DLGAP1: variants seen among roughly 807,000 people sequenced by gnomAD.
DLGAP1 encodes disks large-associated protein 1.
A neutral mutation model predicts 90.8 loss-of-function variants in DLGAP1; 11 were observed. The ratio of observed to expected loss-of-function variants is 0.12; its 90% confidence interval spans 0.08 to 0.20. The LOEUF (loss-of-function observed/expected upper bound fraction) is 0.20. DLGAP1 is among the 10% of genes least tolerant of loss of function. The pLI is 1.00. For synonymous variants in DLGAP1, 558 were observed against 540.7 expected (o/e 1.03, Z -0.44); for missense variants, 1,050 against 1,333.8 (o/e 0.79, Z 3.31).
Position 3,729,322 on chromosome 18 carries a change from G to A in DLGAP1, c.1404C>T (p.Phe468=). 1 of 1,614,130 alleles carries A rather than the reference G, an allele frequency of 6.2e-7. No individual in the cohort carries two copies. Among genetic ancestry groups the A allele is most frequent in the Non-Finnish European group, 8.5e-7 (1 of 1,179,986 alleles). ...CCACGGCCTGCGACTCCAGCTCGCTGAACACGGACTCGCACACGGACTCGA... is the reference window on the plus strand; with the variant it reads ...CCACGGCCTGCGACTCCAGCTCGCTAAACACGGACTCGCACACGGACTCGA... The part of the protein sequence containing the change: ...GQFESVCESV[F]SELESQAVEA... Residue 468 remains phenylalanine, a synonymous_variant, in exon 7 of 13, where the codon TTC becomes TTT. Coordinates refer to ENST00000315677, the MANE Select transcript of DLGAP1 (RefSeq NM_004746.4). The surrounding 1 kb of genome is among the most constrained non-coding windows in gnomAD (Gnocchi z 6.2).
At chr18:4,122,648 A>G (rs1483525197) in intron 2 of DLGAP1, among the ~76,000 whole-genome samples, 1 of 152,134 alleles carries the variant, frequency 6.6e-6, no homozygotes, top group Non-Finnish European at 1.5e-5. Context: ...ATGATTGATT[A>G]GATGGTAAGA....
chr18:4,111,998 T>C (rs890481160), intron 2 of DLGAP1, among the ~76,000 whole-genome samples: 1 of 151,438 alleles, frequency 6.6e-6, no homozygotes, highest in Non-Finnish European at 1.5e-5. Flanking sequence ...TTAGTTTTTT[T>C]CCTAGCATCT....
chr18:4,093,645 A>G (rs560235334), intron 2 of DLGAP1, among the ~76,000 whole-genome samples: 1 of 152,232 alleles, frequency 6.6e-6, no homozygotes, highest in African/African-American at 2.4e-5. Context: ...TATAAGTTGG[A>G]AAACTCTATA....
intron 1 of DLGAP1, among the ~76,000 whole-genome samples, chr18:4,286,433 T>A (rs936880354): frequency 6.6e-6 from 1 of 152,046 alleles, no homozygotes; most frequent in African/African-American, 2.4e-5. Flanking sequence ...AACACATGAC[T>A]CATTTCAAGC....
At chr18:3,995,898 A>C (rs981014889) in intron 3 of DLGAP1, among the ~76,000 whole-genome samples, 5 of 152,060 alleles carry the variant, frequency 3.3e-5, no homozygotes, top group Non-Finnish European at 7.4e-5. Context: ...TTTTTCATAA[A>C]TGGGTAAAAG....
intron 3 of DLGAP1, among the ~76,000 whole-genome samples, chr18:3,973,648 C>T (rs1479350574): frequency 1.3e-5 from 2 of 152,154 alleles, no homozygotes; most frequent in Non-Finnish European, 2.9e-5. Flanking sequence ...GAGTCTTTTC[C>T]AAATTGCCTG....
chr18:4,114,823 C>T (rs958373048), intron 2 of DLGAP1, among the ~76,000 whole-genome samples: 1 of 152,084 alleles, frequency 6.6e-6, no homozygotes, highest in African/African-American at 2.4e-5. Context: ...TATCATTTTA[C>T]TTTCAACCTA....
chr18:4,287,088 A>G (rs887534812), intron 1 of DLGAP1, among the ~76,000 whole-genome samples: 3 of 152,212 alleles, frequency 2.0e-5, no homozygotes, highest in South Asian at 2.1e-4. Context: ...AAGCATATAT[A>G]GTAGATCTGA....
At chr18:3,657,181 A>C (rs2059522514) in intron 7 of DLGAP1, among the ~76,000 whole-genome samples, 1 of 152,226 alleles carries the variant, frequency 6.6e-6, no homozygotes, top group Non-Finnish European at 1.5e-5. Flanking sequence ...AATAGTCATG[A>C]TCATTTAGGC....
chr18:4,278,111 T>G (rs1238675893), intron 1 of DLGAP1, among the ~76,000 whole-genome samples: 1 of 152,176 alleles, frequency 6.6e-6, no homozygotes, highest in East Asian at 1.9e-4. Context: ...ACAATACTTT[T>G]GTTACAAATC....
intron 1 of DLGAP1, among the ~76,000 whole-genome samples, chr18:4,253,916 G>A (rs1052642991): frequency 6.6e-6 from 1 of 151,846 alleles, no homozygotes; most frequent in Non-Finnish European, 1.5e-5. Context: ...GTTTCTACTC[G>A]CTTCAGTTCT....
At chr18:3,987,195 T>A (rs1365043427) in intron 3 of DLGAP1, among the ~76,000 whole-genome samples, 1 of 152,194 alleles carries the variant, frequency 6.6e-6, no homozygotes, top group Non-Finnish European at 1.5e-5. Context: ...TGGCTTAGTG[T>A]TCAGACTGGG....
intron 2 of DLGAP1, among the ~76,000 whole-genome samples, chr18:4,143,709 T>C (rs982188886): frequency 2.0e-5 from 3 of 152,062 alleles, no homozygotes; most frequent in Admixed American, 1.3e-4. Context: ...TCACCCAAAC[T>C]GGGGATGTAT....
intron 8 of DLGAP1, among the ~76,000 whole-genome samples, chr18:3,578,220 T>C (rs539642276): frequency 6.6e-6 from 1 of 152,288 alleles, no homozygotes; most frequent in African/African-American, 2.4e-5. Flanking sequence ...AATGTAAAGT[T>C]TTGGTAAAGG....
rs78056350 is a variant in DLGAP1 at position 3,975,548 on chromosome 18, G to A, written c.-73+29568C>T. ...TAAAAAAATTAAACACAGAATTACC[G>A]TATGATCCAGCAATCCCACTATGGG... On this transcript the variant is annotated intron_variant, in intron 3 of 12. Coordinates refer to ENST00000315677, the MANE Select transcript of DLGAP1 (RefSeq NM_004746.4). 3.7e-3 allele frequency among the ~76,000 whole-genome samples: 567 copies of A among 152,180 alleles called. 6 individuals are homozygous for A. Among genetic ancestry groups the A allele is most frequent in the African/African-American group, 0.012 (504 of 41,506 alleles).
chr18:4,017,399 T>A (rs908717426), intron 2 of DLGAP1, among the ~76,000 whole-genome samples: 1 of 152,226 alleles, frequency 6.6e-6, no homozygotes, highest in Non-Finnish European at 1.5e-5. Flanking sequence ...TGGGACTTCA[T>A]ATCCTGTTTT....
chr18:3,879,017 A>G lies in DLGAP1; in HGVS notation c.957+95T>C. The G allele has an allele frequency of 1.9e-6, 2 of 1,039,164 alleles. No homozygotes were observed. Among genetic ancestry groups the G allele is most frequent in the South Asian group, 2.5e-5 (1 of 39,392 alleles). The allele number at this position is 1,039,164 out of a possible 1,614,324, so 64.4% of individuals were successfully genotyped here. On this transcript the variant is annotated intron_variant, in intron 4 of 12. Coordinates refer to ENST00000315677, the MANE Select transcript of DLGAP1 (RefSeq NM_004746.4). This position sits in a 1 kb window ranked among gnomAD's most constrained non-coding sequence, Gnocchi z 6.6. ...TGCACAGGTTCCTATCTTAATAGAC[A>G]ATTCAGAGTAGTGCCAAGACTAGAA...
At chr18:3,825,213 T>A (rs2067646282) in intron 4 of DLGAP1, among the ~76,000 whole-genome samples, 1 of 152,246 alleles carries the variant, frequency 6.6e-6, no homozygotes, top group African/African-American at 2.4e-5. Flanking sequence ...TCTTTCACTT[T>A]AAACTGATTA....
chr18:4,268,510 C>G (rs2079181863), intron 1 of DLGAP1, among the ~76,000 whole-genome samples: 3 of 152,024 alleles, frequency 2.0e-5, no homozygotes, highest in Admixed American at 2.0e-4. Flanking sequence ...TGTAATTTAT[C>G]TCTCCTCTCT....
Sources: gnomAD v4.1 joint callset for allele counts (sites outside exome capture counted in the v4.1 genomes callset) on GRCh38, gnomAD v4.1.1 for gene constraint, Gnocchi (gnomAD v3.1) non-coding constraint, MANE v1.5 for transcripts, NCBI Gene and HGNC (gene_info 2026-07-23, HGNC 2026-07-21) for gene names.